The following MAP2 variants were observed in gnomAD, a reference collection of about 807,000 sequenced individuals.
MAP2 encodes microtubule associated protein 2.
MAP2 carries 14 observed loss-of-function variants against 137.6 expected under a neutral mutation model. The ratio of observed to expected loss-of-function variants is 0.10; its 90% CI spans 0.07 to 0.16. MAP2 has a LOEUF of 0.16. MAP2 is among the 10% of genes least tolerant of loss of function. The pLI is 1.00. For synonymous variants in MAP2, 786 were observed against 782.3 expected (o/e 1.00, Z -0.08); for missense variants, 2,088 against 2,191.5 (o/e 0.95, Z 0.94).
In MAP2 at chr2:209,695,744, G is replaced by A. The variant is rs759280255; in HGVS notation, c.3574G>A (p.Val1192Ile). Residue 1192 changes from valine to isoleucine, a missense_variant, in exon 8 of 16, where the codon GTC becomes ATC. Val to Ile is a conservative substitution (Grantham distance 29, BLOSUM62 3). Transcript: ENST00000682079. Reference sequence around the variant, plus strand: ...TTTAGCCACAGATGAGAGAGCTGATGTCCAGATGGAATTTATTCAGGGGCC... The same window carrying A: ...TTTAGCCACAGATGAGAGAGCTGATATCCAGATGGAATTTATTCAGGGGCC... ...ADLATDERAD[V>I]QMEFIQGPKE... 1 of 1,613,998 alleles carries A rather than the reference G, an allele frequency of 6.2e-7. No individual in the cohort carries two copies. The highest frequency in any genetic ancestry group is 2.2e-5 in the East Asian group (1 of 44,870).
At chr2:209,561,676 A>G (rs1006661008) in intron 2 of MAP2, among the ~76,000 whole-genome samples, 2 of 152,264 alleles carry the variant, frequency 1.3e-5, no homozygotes, top group African/African-American at 4.8e-5. Flanking sequence ...TTAAGAAAAT[A>G]TGATTACTTC....
chr2:209,655,454 A>C (rs1028718121), intron 5 of MAP2, among the ~76,000 whole-genome samples: 18 of 152,242 alleles, frequency 1.2e-4, no homozygotes, highest in African/African-American at 4.1e-4. Flanking sequence ...AAAATGTAAA[A>C]TAATATCTTT....
At chr2:209,546,823 G>C (rs1324471471) in intron 2 of MAP2, among the ~76,000 whole-genome samples, 1 of 152,092 alleles carries the variant, frequency 6.6e-6, no homozygotes, top group African/African-American at 2.4e-5. Context: ...TTAAATAACT[G>C]TAACTATTTC....
intron 2 of MAP2, among the ~76,000 whole-genome samples, chr2:209,511,924 C>T (rs1407374457): frequency 1.3e-5 from 2 of 152,016 alleles, no homozygotes; most frequent in Non-Finnish European, 2.9e-5. Context: ...TACCCAAGCC[C>T]TGATTTTGAT....
In MAP2 at chr2:209,425,945, T is replaced by A. The variant is rs533622559; in HGVS notation, c.-222+1669T>A. ...GAAATCCTTGTGAATTTGCAAATCA[T>A]GGATGTTCCAAAAGCCCCAGCCCCA... On this transcript the variant is annotated intron_variant, in intron 1 of 15. Coordinates refer to ENST00000682079, the MANE Select transcript of MAP2 (RefSeq NM_001375505.1). Among the ~76,000 whole-genome samples the A allele has an allele frequency of 5.9e-5, 9 of 152,338 alleles. No individual in the cohort carries two copies. In the East Asian group the frequency reaches 1.7e-3, roughly 29 times the overall value.
intron 1 of MAP2, among the ~76,000 whole-genome samples, chr2:209,466,897 T>C (rs1704261514): frequency 6.6e-6 from 1 of 152,166 alleles, no homozygotes; most frequent in Admixed American, 6.5e-5. Context: ...ATTTCTCTCT[T>C]TTCCCACTAA....
intron 12 of MAP2, among the ~76,000 whole-genome samples, chr2:209,708,929 G>T (rs940209441): frequency 1.3e-5 from 2 of 152,130 alleles, no homozygotes; most frequent in Non-Finnish European, 2.9e-5. Flanking sequence ...TTGGTTATCA[G>T]TTGGTTGGTA....
At chr2:209,574,813 G>T (rs956805275) in intron 2 of MAP2, among the ~76,000 whole-genome samples, 1 of 152,288 alleles carries the variant, frequency 6.6e-6, no homozygotes, top group Admixed American at 6.5e-5. Flanking sequence ...AGTGTTCAGT[G>T]ATTTTGGATA....
chr2:209,459,041 T>C (rs1702168061), intron 1 of MAP2, among the ~76,000 whole-genome samples: 1 of 152,250 alleles, frequency 6.6e-6, no homozygotes, highest in East Asian at 1.9e-4. Context: ...AAGCTATTGC[T>C]ATTTGTGAAA....
At chr2:209,700,843 G>T (rs996734939) in intron 11 of MAP2, among the ~76,000 whole-genome samples, 1 of 151,914 alleles carries the variant, frequency 6.6e-6, no homozygotes, top group Admixed American at 6.6e-5. Flanking sequence ...ACATTTATAG[G>T]CTTAACAACA....
At chr2:209,424,518 T>C (rs780527052) in intron 1 of MAP2, among the ~76,000 whole-genome samples, 2 of 152,202 alleles carry the variant, frequency 1.3e-5, no homozygotes, top group African/African-American at 2.4e-5. Context: ...CCTGGCTTCG[T>C]AGAAGAGCGA....
chr2:209,687,039 C>T lies in MAP2; in HGVS notation c.455-5586C>T, dbSNP rs186688329. Among the ~76,000 whole-genome samples the T allele has an allele frequency of 2.1e-4, 32 of 151,904 alleles. 1 individual carries two copies. The South Asian group carries it at 5.2e-3, about 25-fold the overall frequency. The stretch of plus-strand genomic sequence containing the variant: ...TGGTTTAAAATGATGCCTCTAGGTA[C>T]TACATTAGCCTTAGCATCCAAAGAA... On this transcript the variant is annotated intron_variant, in intron 7 of 15. Transcript: ENST00000682079.
chr2:209,578,817 C>T (rs2075765256), intron 2 of MAP2, among the ~76,000 whole-genome samples: 1 of 152,102 alleles, frequency 6.6e-6, no homozygotes, highest in African/African-American at 2.4e-5. Flanking sequence ...CTGCCTGGGC[C>T]CTCAGGGACT....
intron 1 of MAP2, among the ~76,000 whole-genome samples, chr2:209,472,783 A>G (rs991726551): frequency 6.6e-6 from 1 of 152,164 alleles, no homozygotes; most frequent in Non-Finnish European, 1.5e-5. Flanking sequence ...ATTGTTTTAT[A>G]TCCAAGAACA....
At chr2:209,425,723 C>T (rs1692382994) in intron 1 of MAP2, among the ~76,000 whole-genome samples, 1 of 152,172 alleles carries the variant, frequency 6.6e-6, no homozygotes, top group African/African-American at 2.4e-5. Context: ...CAGGTACCAG[C>T]CCAGTTCAAA....
chr2:209,705,763 CT>C, intron 12 of MAP2, 36 bp downstream of exon 12: 1 of 1,580,848 alleles, frequency 6.3e-7, no homozygotes, highest in East Asian at 2.3e-5. Context: ...TTTTTAAGCA[CT>C]TTTTAAATCC....
chr2:209,700,731 G>A (rs920067216), intron 11 of MAP2, among the ~76,000 whole-genome samples: 1 of 151,936 alleles, frequency 6.6e-6, no homozygotes, highest in Admixed American at 6.6e-5. Flanking sequence ...ACCAAATGAA[G>A]CACTGCACAC....
chr2:209,549,307 A>T (rs113101478), intron 2 of MAP2, among the ~76,000 whole-genome samples: 12 of 152,264 alleles, frequency 7.9e-5, no homozygotes, highest in African/African-American at 2.9e-4. Flanking sequence ...CAGATGAGAA[A>T]ACCAAGGTCT....
At chr2:209,493,467 C>A (rs184974946) in intron 1 of MAP2, among the ~76,000 whole-genome samples, 1 of 152,136 alleles carries the variant, frequency 6.6e-6, no homozygotes, top group Non-Finnish European at 1.5e-5. Context: ...AGCTTCTGCA[C>A]AGCAAAAGAA....
Sources: gnomAD v4.1 joint callset for allele counts (sites outside exome capture counted in the v4.1 genomes callset) on GRCh38, gnomAD v4.1.1 for gene constraint, MANE v1.5 for transcripts, NCBI Gene and HGNC (gene_info 2026-07-23, HGNC 2026-07-21) for gene names.